Variants in RPN2 observed in about 807,000 individuals in gnomAD.
The protein encoded by RPN2 is ribophorin II.
Under a neutral mutation model 71.4 loss-of-function variants are expected in RPN2, and 29 were observed. The ratio of observed to expected loss-of-function variants is 0.41; its 90% CI spans 0.30 to 0.55. The LOEUF (loss-of-function observed/expected upper bound fraction) is 0.55. Among genes scored for constraint, RPN2 ranks in the 20% least tolerant of loss-of-function variants. RPN2 has a pLI of 0.35. For missense variants in RPN2, 726 were observed against 774.1 expected (o/e 0.94, Z 0.74); for synonymous variants, 308 against 305.0 (o/e 1.01, Z -0.10).
chr20:37,232,493 C>CAGA, intron 14 of RPN2, 102 bp downstream of exon 14: 1 of 1,360,892 alleles, frequency 7.3e-7, no homozygotes, highest in South Asian at 1.2e-5. Context: ...AGTAAAGCTC[C>CAGA]AGAGGGGTCC....
At chr20:37,184,746 C>A (rs2066968663) in intron 2 of RPN2, among the ~76,000 whole-genome samples, 1 of 152,166 alleles carries the variant, frequency 6.6e-6, no homozygotes, top group African/African-American at 2.4e-5. Context: ...GAGCTGAGAT[C>A]CCGCCATTGC....
At chr20:37,239,863 T>G (rs1433916201) in intron 16 of RPN2, among the ~76,000 whole-genome samples, 1 of 152,226 alleles carries the variant, frequency 6.6e-6, no homozygotes, top group Non-Finnish European at 1.5e-5. Context: ...TCAGCAACTG[T>G]CCTTGCTGCT....
At position 37,196,062 on chromosome 20, in the gene RPN2, C is replaced by CTT. The variant is rs879480772; in HGVS notation, c.208-2325_208-2324dup. On this transcript the variant is annotated intron_variant, in intron 2 of 16. Coordinates refer to ENST00000237530, the MANE Select transcript of RPN2 (RefSeq NM_002951.5). ...TCCTACTCTCCAGGAGCACCCCGCG[C>CTT]TTTTTTTTTTTGGTGGGAGAGGAGT... Among the ~76,000 whole-genome samples, 5 of 146,070 alleles carry CTT rather than the reference C, an allele frequency of 3.4e-5. No individual in the cohort carries two copies. In the East Asian group the frequency reaches 7.9e-4, roughly 23 times the overall value.
intron 2 of RPN2, among the ~76,000 whole-genome samples, chr20:37,193,724 AG>A (rs2067195674): frequency 6.6e-6 from 1 of 152,204 alleles, no homozygotes; most frequent in Non-Finnish European, 1.5e-5. Context: ...ATAGCAACAC[AG>A]GAAGACAATG....
chr20:37,191,114 T>A (rs2067128070), intron 2 of RPN2, among the ~76,000 whole-genome samples: 1 of 152,048 alleles, frequency 6.6e-6, no homozygotes, highest in African/African-American at 2.4e-5. Context: ...CTGGGAGAAA[T>A]GGGGTTTAAT....
intron 2 of RPN2, among the ~76,000 whole-genome samples, chr20:37,194,066 G>A (rs1030822464): frequency 3.3e-5 from 5 of 152,068 alleles, no homozygotes; most frequent in African/African-American, 7.2e-5. Context: ...GGACGTGATC[G>A]GTCTGTCCAT....
chr20:37,207,233 G>T (rs753063856), intron 6 of RPN2, 40 bp from the exon 7 acceptor site: 3 of 1,554,720 alleles, frequency 1.9e-6, no homozygotes, highest in African/African-American at 2.7e-5. Context: ...CACCTTCCCA[G>T]CAGAGGAAGA....
At chr20:37,209,626 G>A (rs6073686) in intron 7 of RPN2, among the ~76,000 whole-genome samples, 112,387 of 151,902 alleles carry the variant, frequency 0.74, 42,028 homozygotes, top group Middle Eastern at 0.85. Context: ...ACCATGCCCA[G>A]CTAATTTTTT....
chr20:37,210,097 A>G lies in RPN2; in HGVS notation c.918A>G (p.Lys306=). 1 of 1,614,140 alleles carries G rather than the reference A, an allele frequency of 6.2e-7. No individual in the cohort carries two copies. The highest frequency in any genetic ancestry group is 8.5e-7 in the Non-Finnish European group (1 of 1,180,000). Reference sequence around the variant, plus strand: ...AGCCTCTGACTCAGGCCACTGTTAAACTAGAACATGCTAAATCTGTTGCTT... The same window carrying G: ...AGCCTCTGACTCAGGCCACTGTTAAGCTAGAACATGCTAAATCTGTTGCTT... ...LSQPLTQATV[K]LEHAKSVASR... The change falls in exon 8 of 17, where the codon AAA becomes AAG. Residue 306 remains lysine, a synonymous_variant. Transcript: ENST00000237530.
intron 2 of RPN2, among the ~76,000 whole-genome samples, chr20:37,184,959 A>G (rs536980679): frequency 2.2e-4 from 33 of 152,274 alleles, no homozygotes; most frequent in Non-Finnish European, 4.1e-4. Context: ...AGACTGTCCA[A>G]TAACACATGT....
intron 7 of RPN2, among the ~76,000 whole-genome samples, chr20:37,208,710 G>A (rs774614244): frequency 4.6e-5 from 7 of 152,220 alleles, no homozygotes; most frequent in Non-Finnish European, 8.8e-5. Context: ...CACATGCACA[G>A]ATCTTGAATA....
intron 14 of RPN2, among the ~76,000 whole-genome samples, chr20:37,232,788 A>G (rs944144298): frequency 2.0e-5 from 3 of 152,252 alleles, no homozygotes; most frequent in East Asian, 1.9e-4. Flanking sequence ...CCTAAAGTTC[A>G]TAAGATGGAA....
chr20:37,207,086 C>A (rs1326015664), intron 6 of RPN2, among the ~76,000 whole-genome samples, 187 bp from the exon 7 acceptor site: 1 of 152,022 alleles, frequency 6.6e-6, no homozygotes, highest in Non-Finnish European at 1.5e-5. Flanking sequence ...AAAAAAACAA[C>A]CACATCCAAG....
At chr20:37,224,357 G>T (rs76093293) in intron 10 of RPN2, among the ~76,000 whole-genome samples, 1 of 152,022 alleles carries the variant, frequency 6.6e-6, no homozygotes, top group African/African-American at 2.4e-5. Context: ...ATTCTGGTGC[G>T]ATCTCCTTAT....
chr20:37,221,813 C>G (rs528282667), intron 9 of RPN2, among the ~76,000 whole-genome samples: 1 of 152,354 alleles, frequency 6.6e-6, no homozygotes, highest in South Asian at 2.1e-4. Context: ...AGTCTTCTTG[C>G]TATGGAATGT....
chr20:37,210,179 A>G lies in RPN2; in HGVS notation c.986+14A>G, dbSNP rs2146608286. The stretch of plus-strand genomic sequence containing the variant: ...CACCCCTGTAGGGTAAGTCCTGATC[A>G]TATTTTGGTGGGGCGCTGACCTCTT... On this transcript the variant is annotated intron_variant, in intron 8 of 16. Transcript: ENST00000237530. The G allele has an allele frequency of 6.2e-7, 1 of 1,613,564 alleles. No homozygotes were observed. The highest frequency in any genetic ancestry group is 8.5e-7 in the Non-Finnish European group (1 of 1,179,942).
chr20:37,182,862 G>GT (rs1168222368), intron 1 of RPN2, among the ~76,000 whole-genome samples: 4 of 152,076 alleles, frequency 2.6e-5, no homozygotes, highest in Admixed American at 6.6e-5. Context: ...TTTTTGTTTT[G>GT]TTTTTTTAAA....
intron 2 of RPN2, among the ~76,000 whole-genome samples, chr20:37,185,570 AG>A (rs976405047): frequency 1.3e-5 from 2 of 152,178 alleles, no homozygotes; most frequent in African/African-American, 4.8e-5. Context: ...CCATAAATGT[AG>A]GGGCTTAAAA....
At chr20:37,199,997 ATT>A (rs756887601) in intron 4 of RPN2, among the ~76,000 whole-genome samples, 7 of 143,028 alleles carry the variant, frequency 4.9e-5, no homozygotes, top group African/African-American at 7.7e-5. Flanking sequence ...CGCCTAGCTA[ATT>A]TTTTTTTTTT....
Sources: allele counts gnomAD v4.1 joint callset (sites outside exome capture counted in the v4.1 genomes callset), GRCh38; gene constraint gnomAD v4.1.1; transcripts MANE v1.5; gene names NCBI Gene and HGNC (gene_info 2026-07-23, HGNC 2026-07-21).